PARP8: variants seen among roughly 807,000 people sequenced by gnomAD.
The protein encoded by PARP8 is poly(ADP-ribose) polymerase family member 8.
Under a neutral mutation model 124.1 loss-of-function variants are expected in PARP8, and 51 were observed. The ratio of observed to expected loss-of-function variants is 0.41; its 90% CI spans 0.33 to 0.52. The LOEUF (loss-of-function observed/expected upper bound fraction) is 0.52. Ranked by LOEUF, PARP8 falls within the 20% of genes least tolerant of loss-of-function variation. PARP8 has a pLI of 0.21. For missense variants in PARP8, 860 were observed against 1,018.9 expected, an observed-to-expected ratio of 0.84 and a Z score of 2.12; for synonymous variants, 391 against 361.5, an observed-to-expected ratio of 1.08 and a Z score of -0.93.
At chr5:50,718,552 T>C (rs1012596522) in intron 2 of PARP8, among the ~76,000 whole-genome samples, 4 of 151,942 alleles carry the variant, frequency 2.6e-5, no homozygotes, top group African/African-American at 9.7e-5. Context: ...CTCCGACATA[T>C]GAGTGAGAAT....
chr5:50,815,005 C>T (rs1472160951), intron 14 of PARP8, among the ~76,000 whole-genome samples: 1 of 151,804 alleles, frequency 6.6e-6, no homozygotes, highest in Non-Finnish European at 1.5e-5. Context: ...ACAAAATTTC[C>T]CAGGAAAAAG....
intron 9 of PARP8, among the ~76,000 whole-genome samples, chr5:50,780,495 A>G (rs1457769287): frequency 6.6e-6 from 1 of 152,140 alleles, no homozygotes; most frequent in Non-Finnish European, 1.5e-5. Flanking sequence ...TTTTGATATA[A>G]TCTTGAATGT....
rs373600675 is a variant in PARP8, at chr5:50,794,931, G to A, written c.942G>A (p.Thr314=). 51 of 1,614,152 alleles carry A rather than the reference G, an allele frequency of 3.2e-5. No individual in the cohort carries two copies. The highest frequency in any genetic ancestry group is 4.1e-5 in the Non-Finnish European group (48 of 1,180,006). The stretch of plus-strand genomic sequence containing the variant: ...CTGAGCAGGACGGAATCTCCAAAAC[G>A]CATAAGCTGCTGCGGAGGACTTGTT... The part of the protein sequence containing the change: ...LKSEQDGISK[T]HKLLRRTCSS... The change falls in exon 12 of 26, where the codon ACG becomes ACA. Residue 314 remains threonine (T), a synonymous_variant. Coordinates refer to ENST00000281631, the MANE Select transcript of PARP8 (RefSeq NM_024615.4).
In PARP8 at chr5:50,759,716, T is replaced by C. The variant is rs771599487; in HGVS notation, c.258T>C (p.Phe86=). The C allele has an allele frequency of 6.3e-7, 1 of 1,584,106 alleles. No individual in the cohort carries two copies. The highest frequency in any genetic ancestry group is 8.5e-7 in the Non-Finnish European group (1 of 1,170,252). The change falls in exon 4 of 26, where the codon TTT becomes TTC. Residue 86 remains phenylalanine (F), a synonymous_variant. Transcript: ENST00000281631. The part of the protein sequence containing the change: ...LVTTEPIPVI[F]HRIATELRKT... ...CTACAGAGCCAATACCAGTAATTTT[T>C]CATAGAATAGCAACAGGTAATAGTA...
At chr5:50,721,546 A>T (rs1050513118) in intron 2 of PARP8, among the ~76,000 whole-genome samples, 1 of 151,924 alleles carries the variant, frequency 6.6e-6, no homozygotes, top group African/African-American at 2.4e-5. Context: ...AAAGTCAAGG[A>T]CCTGTGACTT....
At chr5:50,749,765 G>C (rs975764854) in intron 2 of PARP8, among the ~76,000 whole-genome samples, 17 of 152,006 alleles carry the variant, frequency 1.1e-4, no homozygotes, top group Admixed American at 3.9e-4. Flanking sequence ...CTTGGGTGCT[G>C]TACTAAATAA....
At chr5:50,802,849 A>T (rs32378) in intron 14 of PARP8, among the ~76,000 whole-genome samples, 14,685 of 152,096 alleles carry the variant, frequency 0.097, 758 homozygotes, top group South Asian at 0.16. Flanking sequence ...AAAATTTAAA[A>T]ATATATATAT....
chr5:50,833,836 G>A, intron 23 of PARP8, 143 bp from the exon 24 acceptor site: 1 of 579,602 alleles, frequency 1.7e-6, no homozygotes, highest in Non-Finnish European at 3.1e-6. Context: ...TTAAGAGAGT[G>A]CAAGGAAATT....
intron 2 of PARP8, among the ~76,000 whole-genome samples, chr5:50,715,447 G>A (rs1755207122): frequency 6.6e-6 from 1 of 151,652 alleles, no homozygotes; most frequent in African/African-American, 2.4e-5. Flanking sequence ...AAGGGAAATT[G>A]TAGTGTATAC....
intron 2 of PARP8, among the ~76,000 whole-genome samples, chr5:50,690,738 T>C (rs905534131): frequency 1.3e-5 from 2 of 152,188 alleles, no homozygotes; most frequent in African/African-American, 4.8e-5. Flanking sequence ...ACAGTGGCAA[T>C]TGATATTCTT....
chr5:50,825,010 G>A (rs1446570274), intron 18 of PARP8, 35 bp downstream of exon 18: 22 of 1,521,558 alleles, frequency 1.4e-5, no homozygotes, highest in Non-Finnish European at 1.9e-5. Flanking sequence ...AATGAAAACA[G>A]CATCCTTTTC....
At chr5:50,813,529 C>T (rs1744725271) in intron 14 of PARP8, among the ~76,000 whole-genome samples, 1 of 152,310 alleles carries the variant, frequency 6.6e-6, no homozygotes, top group African/African-American at 2.4e-5. Flanking sequence ...ACAACCATGT[C>T]ATCTGCAAAC....
At chr5:50,827,220 T>A (rs1193282916) in intron 19 of PARP8, among the ~76,000 whole-genome samples, 7 of 152,124 alleles carry the variant, frequency 4.6e-5, no homozygotes, top group Admixed American at 6.5e-5. Flanking sequence ...TAAAAAATAA[T>A]AATTTGTAAA....
chr5:50,731,752 G>A (rs1434469202), intron 2 of PARP8, among the ~76,000 whole-genome samples: 1 of 152,102 alleles, frequency 6.6e-6, no homozygotes, highest in African/African-American at 2.4e-5. Flanking sequence ...ATTAAAACTT[G>A]AAATATATAG....
intron 22 of PARP8, among the ~76,000 whole-genome samples, chr5:50,831,455 A>T (rs13186089): frequency 0.21 from 31,381 of 152,072 alleles, 3,421 homozygotes; most frequent in South Asian, 0.33. Context: ...GCAAAGAAAT[A>T]CTGTTTCAGT....
chr5:50,736,187 T>C (rs1301618055), intron 2 of PARP8, among the ~76,000 whole-genome samples: 1 of 152,176 alleles, frequency 6.6e-6, no homozygotes, highest in Non-Finnish European at 1.5e-5. Context: ...GTTAAAATTA[T>C]AAATCCATAC....
chr5:50,765,652 T>C (rs559778120), intron 7 of PARP8, among the ~76,000 whole-genome samples: 12 of 152,364 alleles, frequency 7.9e-5, no homozygotes, highest in African/African-American at 2.9e-4. Flanking sequence ...CTGCCTGCTC[T>C]AGATTTTCTC....
In PARP8 at chr5:50,786,696, A is replaced by T. The variant is rs369618026; in HGVS notation, c.671-1827A>T. On this transcript the variant is annotated intron_variant, in intron 9 of 25. Transcript: ENST00000281631. ...AAAACTTCTTTGAATTTGTGTCTAG[A>T]TAGCAGCACTCTGGAATCTTCCATC... Among the ~76,000 whole-genome samples, 5 of 151,962 alleles carry T rather than the reference A, an allele frequency of 3.3e-5. No homozygotes were observed. The South Asian group carries it at 6.2e-4, about 19-fold the overall frequency.
chr5:50,782,172 T>C (rs1278135947), intron 9 of PARP8, among the ~76,000 whole-genome samples: 1 of 152,208 alleles, frequency 6.6e-6, no homozygotes, highest in African/African-American at 2.4e-5. Flanking sequence ...ATCTCTTTCA[T>C]AGAATGGAGA....
Sources: gnomAD v4.1 joint callset for allele counts (sites outside exome capture counted in the v4.1 genomes callset) on GRCh38, gnomAD v4.1.1 for gene constraint, MANE v1.5 for transcripts, NCBI Gene and HGNC (gene_info 2026-07-23, HGNC 2026-07-21) for gene names.